Variants in TFB1M observed in about 807,000 individuals in gnomAD.
The protein encoded by TFB1M is transcription factor B1, mitochondrial.
Under a neutral mutation model 31.1 loss-of-function variants are expected in TFB1M, and 27 were observed. The observed-to-expected ratio is 0.87, with a 90% confidence interval of 0.64 to 1.20. The LOEUF is 1.20. TFB1M is among the 50% of genes most tolerant of loss of function. TFB1M has a pLI of 0.00. For synonymous variants in TFB1M, 166 were observed against 151.8 expected (o/e 1.09, Z -0.69); for missense variants, 394 against 418.7 (o/e 0.94, Z 0.51).
intron 5 of TFB1M, among the ~76,000 whole-genome samples, chr6:155,266,880 C>G (rs1198517631): frequency 1.4e-5 from 2 of 143,944 alleles, no homozygotes; most frequent in Non-Finnish European, 3.0e-5. Context: ...AAAGAATGAC[C>G]AAATGAGCCA....
the TFB1M span, chr6:155,250,544 G>C: frequency 1.3e-6 from 2 of 1,535,896 alleles, no homozygotes; most frequent in Non-Finnish European, 8.7e-7. Context: ...TCAGCAGCCC[G>C]AATGGAGCTC....
At chr6:155,287,551 A>AGAGTGTGTGT (rs1554255042) in intron 4 of TFB1M, among the ~76,000 whole-genome samples, 1 of 147,518 alleles carries the variant, frequency 6.8e-6, no homozygotes, top group East Asian at 2.0e-4. Flanking sequence ...ATTTACTCTG[A>AGAGTGTGTGT]GTGTGTGTGT....
chr6:155,259,972 CATT>C (rs1429799563), intron 6 of TFB1M, among the ~76,000 whole-genome samples: 1 of 152,174 alleles, frequency 6.6e-6, no homozygotes, highest in African/African-American at 2.4e-5. Flanking sequence ...TTAAAAAACC[CATT>C]ATTATCTGTC....
At chr6:155,258,129 T>C (rs770795115) in intron 6 of TFB1M, 47 bp from the exon 7 acceptor site, 1 of 1,608,992 alleles carries the variant, frequency 6.2e-7, no homozygotes, top group South Asian at 1.1e-5. Flanking sequence ...TTACTTAAAT[T>C]CTGCAAATCA....
At chr6:155,301,099 C>A (rs1391163405) in intron 2 of TFB1M, among the ~76,000 whole-genome samples, 1 of 152,134 alleles carries the variant, frequency 6.6e-6, no homozygotes. Flanking sequence ...GCCACCATAC[C>A]CAGCTCCTTT....
At chr6:155,262,513 C>T (rs1181110710) in intron 5 of TFB1M, among the ~76,000 whole-genome samples, 2 of 152,144 alleles carry the variant, frequency 1.3e-5, no homozygotes, top group East Asian at 1.9e-4. Flanking sequence ...TCCTGTAACC[C>T]TTCAACTCCA....
At chr6:155,275,721 T>A (rs201732989) in intron 5 of TFB1M, 5 of 1,611,760 alleles carry the variant, frequency 3.1e-6, no homozygotes, top group East Asian at 4.5e-5. Context: ...AGTAACATCA[T>A]GGCCTCAGCA....
At chr6:155,301,453 T>C (rs1358787066) in intron 2 of TFB1M, among the ~76,000 whole-genome samples, 1 of 152,092 alleles carries the variant, frequency 6.6e-6, no homozygotes, top group African/African-American at 2.4e-5. Flanking sequence ...TAATGATACA[T>C]GGGGTATGGT....
chr6:155,297,127 C>A (rs79140761), intron 3 of TFB1M, 23 bp from the exon 4 acceptor site: 1 of 1,610,376 alleles, frequency 6.2e-7, no homozygotes, highest in South Asian at 1.1e-5. Context: ...GAAAAAACAA[C>A]CTGAAATGAT....
chr6:155,251,936 TTTC>T, downstream of TFB1M: 1 of 1,598,280 alleles, frequency 6.3e-7, no homozygotes, highest in Non-Finnish European at 8.5e-7. Flanking sequence ...TCTCTTTTCC[TTTC>T]TTTAGTTTTT....
the TFB1M span, chr6:155,245,769 T>TTTTTG: frequency 1.4e-6 from 2 of 1,440,494 alleles, no homozygotes; most frequent in Non-Finnish European, 1.9e-6. Context: ...TTTTTTTTTT[T>TTTTTG]TGCATTTTTA....
At chr6:155,275,650 G>C in intron 5 of TFB1M, 2 of 1,441,456 alleles carry the variant, frequency 1.4e-6, no homozygotes, top group Non-Finnish European at 1.9e-6. Context: ...CACAGAAATA[G>C]ATAGAATTCT....
At chr6:155,305,741 ATATT>A (rs889146902) in intron 2 of TFB1M, among the ~76,000 whole-genome samples, 1 of 112,746 alleles carries the variant, frequency 8.9e-6, no homozygotes, top group African/African-American at 3.4e-5. Context: ...ATTAAATTAT[ATATT>A]TATATATATA....
chr6:155,300,665 C>A (rs1274156804), intron 2 of TFB1M, among the ~76,000 whole-genome samples: 1 of 152,192 alleles, frequency 6.6e-6, no homozygotes, highest in Non-Finnish European at 1.5e-5. Context: ...CACAACAGAA[C>A]AATGTAAATT....
chr6:155,275,094 C>T (rs943045917), intron 5 of TFB1M, among the ~76,000 whole-genome samples: 56 of 151,384 alleles, frequency 3.7e-4, no homozygotes, highest in Non-Finnish European at 6.9e-4. Flanking sequence ...GGCATGGTGG[C>T]GGGCGCCTGT....
intron 5 of TFB1M, 139 bp downstream of exon 5, chr6:155,285,019 G>A: frequency 9.1e-7 from 1 of 1,102,528 alleles, no homozygotes; most frequent in African/African-American, 1.6e-5. Context: ...GATTTTTGTG[G>A]TTCTTATTCA....
At chr6:155,300,299 A>G (rs1777366950) in intron 2 of TFB1M, among the ~76,000 whole-genome samples, 2 of 152,254 alleles carry the variant, frequency 1.3e-5, no homozygotes, top group Non-Finnish European at 2.9e-5. Context: ...GTAGTTTAGC[A>G]AAAATAATTG....
the TFB1M span, among the ~76,000 whole-genome samples, chr6:155,243,343 G>A: frequency 6.6e-6 from 1 of 152,180 alleles, no homozygotes; most frequent in East Asian, 1.9e-4. Context: ...GGGTGCACCT[G>A]ACACCAGTGC....
the TFB1M span, chr6:155,247,934 A>G: frequency 3.9e-6 from 6 of 1,527,038 alleles, no homozygotes; most frequent in Non-Finnish European, 4.4e-6. Context: ...AAATGTTAAA[A>G]GAGAAATGAA....
Sources: allele counts gnomAD v4.1 joint callset (sites outside exome capture counted in the v4.1 genomes callset), GRCh38; gene constraint gnomAD v4.1.1; transcripts MANE v1.5; gene names NCBI Gene and HGNC (gene_info 2026-07-23, HGNC 2026-07-21).